Variants in PIWIL2 observed in about 807,000 individuals in gnomAD.
PIWIL2 encodes piwi like RNA-mediated gene silencing 2.
PIWIL2 carries 81 observed loss-of-function variants against 116.5 expected under a neutral mutation model. The ratio of observed to expected loss-of-function variants is 0.70; its 90% CI spans 0.58 to 0.84. The LOEUF (loss-of-function observed/expected upper bound fraction) is 0.84, where lower values mean the gene tolerates loss of function less well. Among genes scored for constraint, PIWIL2 ranks in the 40% least tolerant of loss-of-function variants. PIWIL2 has a pLI of 0.00. For synonymous variants in PIWIL2, 489 were observed against 429.5 expected (o/e 1.14, Z -1.71); for missense variants, 1,272 against 1,212.3 (o/e 1.05, Z -0.73).
At chr8:22,278,654 A>T (rs1424366343) in intron 1 of PIWIL2, among the ~76,000 whole-genome samples, 1 of 152,242 alleles carries the variant, frequency 6.6e-6, no homozygotes, top group Non-Finnish European at 1.5e-5. Context: ...CCCAGGCCAC[A>T]GGCTGGTTGG....
Position 22,279,575 on chromosome 8 carries a change from A to G in PIWIL2, c.189A>G (p.Pro63=), listed in dbSNP as rs372637615. 8.7e-6 allele frequency: 14 copies of G among 1,614,004 alleles called. No individual in the cohort carries two copies. In the African/African-American group the frequency reaches 1.7e-4, roughly 20 times the overall value. The part of the protein sequence containing the change: ...KPEEPSTQRG[P]AQRESVGLVS... ...AGGAACCAAGCACACAGAGGGGGCC[A>G]GCACAAAGGGTAAGACCACTTCCGG... The change falls in exon 2 of 23, where the codon CCA becomes CCG. Residue 63 remains proline, a synonymous_variant. Transcript: ENST00000356766.
At chr8:22,312,433 TA>T (rs1300524630) in intron 16 of PIWIL2, among the ~76,000 whole-genome samples, 14 of 148,682 alleles carry the variant, frequency 9.4e-5, no homozygotes, top group Admixed American at 1.3e-4. Flanking sequence ...CCTGGCTAAT[TA>T]AAAAAAAAAA....
At chr8:22,316,157 T>G (rs1831453856) in intron 18 of PIWIL2, 88 bp from the exon 19 acceptor site, 1 of 755,330 alleles carries the variant, frequency 1.3e-6, no homozygotes, top group Non-Finnish European at 2.4e-6. Flanking sequence ...TAAGGGGAGG[T>G]TGCTTTGGGA....
At chr8:22,343,878 G>A (rs963390147) in intron 20 of PIWIL2, among the ~76,000 whole-genome samples, 3 of 152,124 alleles carry the variant, frequency 2.0e-5, no homozygotes, top group Non-Finnish European at 4.4e-5. Context: ...CAACAATCAC[G>A]CTCCTTGATA....
At chr8:22,318,855 T>C (rs1008174111) in intron 20 of PIWIL2, among the ~76,000 whole-genome samples, 2 of 152,278 alleles carry the variant, frequency 1.3e-5, no homozygotes, top group Middle Eastern at 3.2e-3. Flanking sequence ...CTAGACATAA[T>C]CTTCATGCCC....
At chr8:22,305,864 G>A in intron 12 of PIWIL2, 63 bp from the exon 13 acceptor site, 1 of 1,173,522 alleles carries the variant, frequency 8.5e-7, no homozygotes, top group South Asian at 1.2e-5. Context: ...GACATGTCCT[G>A]TATGGTCGGG....
Position 22,316,791 on chromosome 8 carries a change from GT to G in PIWIL2, c.2297+461del, listed in dbSNP as rs1441004751. On this transcript the variant is annotated intron_variant, in intron 19 of 22. Coordinates refer to ENST00000356766, the MANE Select transcript of PIWIL2 (RefSeq NM_018068.5). Reference sequence around the variant, plus strand: ...GCCATCATGCCCGGCTATGAAATTTGTTTATGCAACTTTTTTTTTTTTTGAG... The same window carrying G: ...GCCATCATGCCCGGCTATGAAATTTGTTATGCAACTTTTTTTTTTTTTGAG... Among the ~76,000 whole-genome samples the G allele has an allele frequency of 4.0e-5, 6 of 150,966 alleles. No homozygotes were observed. The East Asian group carries it at 1.2e-3, about 30-fold the overall frequency.
At chr8:22,308,450 C>T (rs866312818) in intron 14 of PIWIL2, among the ~76,000 whole-genome samples, 3 of 151,780 alleles carry the variant, frequency 2.0e-5, no homozygotes, top group African/African-American at 4.8e-5. Flanking sequence ...GTCAGGAGTT[C>T]GAGAAGAGCC....
intron 13 of PIWIL2, among the ~76,000 whole-genome samples, chr8:22,306,365 C>T (rs952288164): frequency 3.9e-5 from 6 of 152,192 alleles, no homozygotes; most frequent in Non-Finnish European, 7.3e-5. Context: ...TCTTTGAGAG[C>T]ACTGAGTTAT....
At chr8:22,287,263 A>G (rs11996312) in intron 6 of PIWIL2, among the ~76,000 whole-genome samples, 31 of 152,202 alleles carry the variant, frequency 2.0e-4, no homozygotes, top group African/African-American at 7.5e-4. Context: ...AAATGTGTAT[A>G]TATGAAAGAA....
In PIWIL2 at chr8:22,354,332, G is replaced by A. The variant is rs1231034496; in HGVS notation, c.2719G>A (p.Val907Ile). The A allele has an allele frequency of 1.9e-6, 3 of 1,613,828 alleles. No homozygotes were observed. Among genetic ancestry groups the A allele is most frequent in the African/African-American group, 2.7e-5 (2 of 75,026 alleles). ...RQGCGIPTHY[V>I]CVLNTANLSP... ...GGGCTGTGGCATTCCTACGCATTAT[G>A]TCTGTGTTCTCAACACCGCAAACCT... The change falls in exon 22 of 23, where the codon GTC (valine) becomes ATC (isoleucine). Residue 907 changes from valine (V) to isoleucine (I), a missense_variant. Physicochemically the swap from Val to Ile is conservative, Grantham distance 29. Transcript: ENST00000356766.
In PIWIL2 at chr8:22,308,013, C is replaced by A; in HGVS notation, c.1626C>A (p.Asn542Lys). ...GCTTGCTGCAAAGAATTGCAAAGAA[C>A]GAGGCAGCCACCAATGAACTGATGC... is the stretch of plus-strand genomic sequence containing the variant. The part of the protein sequence containing the change: ...LECLLQRIAK[N>K]EAATNELMRW... Residue 542 changes from asparagine (N) to lysine (K), a missense_variant, in exon 14 of 23, where the codon AAC becomes AAA. By Grantham distance (94) the Asn-to-Lys change is moderately conservative. Transcript: ENST00000356766. 6.2e-7 allele frequency: 1 copy of A among 1,613,866 alleles called. No homozygotes were observed. The highest frequency in any genetic ancestry group is 8.5e-7 in the Non-Finnish European group (1 of 1,179,910).
intron 16 of PIWIL2, among the ~76,000 whole-genome samples, chr8:22,311,563 G>A (rs760854463): frequency 6.6e-6 from 1 of 152,166 alleles, no homozygotes; most frequent in East Asian, 1.9e-4. Flanking sequence ...CTTAACTGTG[G>A]TTCATTATCT....
Position 22,308,074 on chromosome 8 carries a change from G to A in PIWIL2, c.1686+1G>A, listed in dbSNP as rs1410961744. ...CCGTCTGCAAAAGGATGTACATAAGGTAAACCAAAAAACGTGATGGTGTAT... is the reference window on the plus strand; with the variant it reads ...CCGTCTGCAAAAGGATGTACATAAGATAAACCAAAAAACGTGATGGTGTAT... On this transcript the variant is annotated splice_donor_variant, in intron 14 of 22. Transcript: ENST00000356766. LOFTEE classifies it high-confidence loss of function. 2 of 1,611,824 alleles carry A rather than the reference G, an allele frequency of 1.2e-6. No individual in the cohort carries two copies. The highest frequency in any genetic ancestry group is 1.7e-6 in the Non-Finnish European group (2 of 1,178,552).
chr8:22,312,681 C>T (rs1205950576), intron 16 of PIWIL2, among the ~76,000 whole-genome samples: 7 of 152,242 alleles, frequency 4.6e-5, no homozygotes, highest in African/African-American at 1.7e-4. Context: ...GACTCTGTTG[C>T]TCAGGCTAAA....
intron 1 of PIWIL2, among the ~76,000 whole-genome samples, chr8:22,278,713 A>G (rs572523911): frequency 2.6e-5 from 4 of 152,306 alleles, no homozygotes; most frequent in African/African-American, 9.6e-5. Flanking sequence ...GAGATTGGCA[A>G]ATGAGCAAAG....
At chr8:22,306,440 A>G (rs1275133257) in intron 13 of PIWIL2, among the ~76,000 whole-genome samples, 1 of 152,202 alleles carries the variant, frequency 6.6e-6, no homozygotes, top group East Asian at 1.9e-4. Flanking sequence ...CAAAAAGCAA[A>G]TAAGTCAGGA....
intron 7 of PIWIL2, 40 bp downstream of exon 7, chr8:22,287,685 A>G (rs1563353030): frequency 4.8e-6 from 6 of 1,260,002 alleles, no homozygotes; most frequent in Non-Finnish European, 7.0e-6. Context: ...ATGAACCCTA[A>G]GAGTGCTCTG....
intron 20 of PIWIL2, among the ~76,000 whole-genome samples, chr8:22,345,257 C>T (rs1332730287): frequency 6.6e-6 from 1 of 151,516 alleles, no homozygotes; most frequent in Non-Finnish European, 1.5e-5. Flanking sequence ...GGTATGTACC[C>T]AAGAAAATTG....
Sources: gnomAD v4.1 joint callset for allele counts (sites outside exome capture counted in the v4.1 genomes callset) on GRCh38, gnomAD v4.1.1 for gene constraint, MANE v1.5 for transcripts, NCBI Gene and HGNC (gene_info 2026-07-23, HGNC 2026-07-21) for gene names.